S100A13: variants seen among roughly 807,000 people sequenced by gnomAD.
S100A13 encodes the protein protein S100-A13.
A neutral mutation model predicts 8.2 loss-of-function variants in S100A13; 6 were observed. That is an observed-to-expected ratio of 0.73 (90% CI 0.40 to 1.44). The LOEUF is 1.44. Among genes scored for constraint, S100A13 ranks in the 40% most tolerant of loss-of-function variants. S100A13 has a pLI of 0.02. For synonymous variants in S100A13, 39 were observed against 45.9 expected (o/e 0.85, Z 0.61); for missense variants, 114 against 113.6 (o/e 1.00, Z -0.02).
upstream of S100A13, chr1:153,628,110 T>A: frequency 6.5e-7 from 1 of 1,549,816 alleles, no homozygotes; most frequent in Non-Finnish European, 8.7e-7. Context: ...TCAGCAGAAT[T>A]CCCCCCTTAC....
At chr1:153,620,981 A>G (rs183784891) in intron 2 of S100A13, among the ~76,000 whole-genome samples, 200 of 152,292 alleles carry the variant, frequency 1.3e-3, no homozygotes, top group Non-Finnish European at 2.6e-3. Flanking sequence ...ATTCCCATGG[A>G]TACAAAATGA....
upstream of S100A13, chr1:153,628,493 A>G: frequency 1.9e-6 from 3 of 1,550,692 alleles, no homozygotes; most frequent in Non-Finnish European, 2.6e-6. Context: ...GGCCCAGGCC[A>G]ACCGTGAGTA....
At chr1:153,621,148 C>A (rs1667218804) in intron 2 of S100A13, among the ~76,000 whole-genome samples, 1 of 147,774 alleles carries the variant, frequency 6.8e-6, no homozygotes, top group Admixed American at 7.2e-5. Flanking sequence ...CCCAATTAAA[C>A]TATCTACAGG....
upstream of S100A13, chr1:153,628,640 G>C (rs1054489145): frequency 7.5e-7 from 1 of 1,335,814 alleles, no homozygotes; most frequent in Non-Finnish European, 1.0e-6. Context: ...AGGGCAGTTT[G>C]GGATTTGGGG....
chr1:153,620,242 G>A (rs548521971), intron 2 of S100A13, among the ~76,000 whole-genome samples: 11 of 151,978 alleles, frequency 7.2e-5, no homozygotes, highest in Non-Finnish European at 1.0e-4. Context: ...AGCAGAGATC[G>A]CGCCATTGCA....
upstream of S100A13, chr1:153,628,806 C>G: frequency 5.1e-6 from 2 of 392,264 alleles, no homozygotes; most frequent in Non-Finnish European, 9.3e-6. Context: ...CCTGCCAAGG[C>G]CCCCTCTGTC....
chr1:153,626,914 T>C (rs6688800), intron 1 of S100A13: 2,315 of 157,558 alleles, frequency 0.015, 45 homozygotes, highest in African/African-American at 0.049. Flanking sequence ...GTGGCGTGTC[T>C]GTCTCAAGAA....
chr1:153,631,613 T>C, upstream of S100A13: 2 of 1,613,706 alleles, frequency 1.2e-6, no homozygotes, highest in Non-Finnish European at 1.7e-6. Flanking sequence ...CATCTTTGCC[T>C]CCTGCTCCTC....
upstream of S100A13, among the ~76,000 whole-genome samples, chr1:153,633,590 T>G (rs111671159): frequency 6.9e-3 from 1,045 of 152,258 alleles, 8 homozygotes; most frequent in Middle Eastern, 0.024. Flanking sequence ...AATTTGCTCC[T>G]AATACTGGCC....
upstream of S100A13, chr1:153,630,541 C>T (rs147922726): frequency 2.4e-5 from 38 of 1,614,076 alleles, no homozygotes; most frequent in African/African-American, 4.0e-5. Flanking sequence ...GAGCTGGAGA[C>T]GGCGATGGAG....
At chr1:153,625,358 A>T (rs1667547280) in intron 2 of S100A13, among the ~76,000 whole-genome samples, 1 of 152,254 alleles carries the variant, frequency 6.6e-6, no homozygotes, top group South Asian at 2.1e-4. Flanking sequence ...ATTTTCAGAA[A>T]GGATGTAAAA....
At chr1:153,628,217 C>T, upstream of S100A13, 2 of 1,548,226 alleles carry the variant, frequency 1.3e-6, no homozygotes, top group Non-Finnish European at 1.7e-6. Flanking sequence ...CACCTCTTTC[C>T]CCTGCACCAT....
chr1:153,625,946 T>G (rs1667589587), intron 2 of S100A13, among the ~76,000 whole-genome samples: 1 of 152,156 alleles, frequency 6.6e-6, no homozygotes. Flanking sequence ...GGCGGGTGGA[T>G]CACCTGAGGT....
intron 2 of S100A13, among the ~76,000 whole-genome samples, chr1:153,624,604 C>G (rs1234736240): frequency 6.7e-6 from 1 of 149,172 alleles, no homozygotes; most frequent in Admixed American, 6.7e-5. Context: ...AATGCTGTCC[C>G]TTCAGGAGAG....
At chr1:153,628,033 A>G (rs1667774450), upstream of S100A13, 5 of 1,550,136 alleles carry the variant, frequency 3.2e-6, no homozygotes, top group Non-Finnish European at 4.4e-6. Context: ...CAGACTCCCA[A>G]GACTAAGTTT....
rs377108150 is a variant in S100A13 at position 153,626,357 on chromosome 1, T to C, written c.116A>G (p.Lys39Arg). Residue 39 changes from lysine to arginine, a missense_variant, in exon 2 of 3, where the codon AAA becomes AGA. Physicochemically the swap from Lys to Arg is conservative, Grantham distance 26. Transcript: ENST00000476133. Reference sequence around the variant, plus strand: ...GGGCAACTGCTGGGTAACCAGCTCTTTGAACTCGTTGACGCTGAGGCTATC... The same window carrying C: ...GGGCAACTGCTGGGTAACCAGCTCTCTGAACTCGTTGACGCTGAGGCTATC... Reference protein sequence around the residue: ...RKDSLSVNEFKELVTQQLPHL... With the variant: ...RKDSLSVNEFRELVTQQLPHL... 2.1e-5 allele frequency: 34 copies of C among 1,614,188 alleles called. No individual in the cohort carries two copies. Among genetic ancestry groups the C allele is most frequent in the Non-Finnish European group, 2.9e-5 (34 of 1,180,012 alleles).
upstream of S100A13, chr1:153,628,122 G>C (rs1161904222): frequency 6.5e-7 from 1 of 1,550,334 alleles, no homozygotes. Context: ...CCCCCTTACC[G>C]GGCTCAACCA....
upstream of S100A13, among the ~76,000 whole-genome samples, chr1:153,633,686 C>T (rs1010345993): frequency 7.2e-5 from 11 of 152,286 alleles, no homozygotes; most frequent in Admixed American, 5.9e-4. Flanking sequence ...GTGCAAATTC[C>T]CCAGGCCCAA....
At chr1:153,626,558 A>C in intron 1 of S100A13, 25 bp from the exon 2 acceptor site, 1 of 1,330,640 alleles carries the variant, frequency 7.5e-7, no homozygotes, top group Non-Finnish European at 1.1e-6. Flanking sequence ...AGGAGCAGAG[A>C]GGGAGAGTCA....
Sources: allele counts gnomAD v4.1 joint callset (sites outside exome capture counted in the v4.1 genomes callset), GRCh38; gene constraint gnomAD v4.1.1; transcripts MANE v1.5; gene names NCBI Gene and HGNC (gene_info 2026-07-23, HGNC 2026-07-21).